INTS6: variants seen among roughly 807,000 people sequenced by gnomAD.
The protein encoded by INTS6 is integrator complex subunit 6.
Under a neutral mutation model 104.9 loss-of-function variants are expected in INTS6, and 16 were observed. The observed-to-expected ratio is 0.15, with a 90% CI of 0.10 to 0.23. The LOEUF (loss-of-function observed/expected upper bound fraction) is 0.23, where lower values mean the gene tolerates loss of function less well. Ranked by LOEUF, INTS6 falls within the 10% of genes least tolerant of loss-of-function variation. INTS6 has a pLI of 1.00. For missense variants in INTS6, 584 were observed against 1,062.8 expected (o/e 0.55, Z 6.26); for synonymous variants, 324 against 358.7 (o/e 0.90, Z 1.09).
intron 4 of INTS6, among the ~76,000 whole-genome samples, chr13:51,398,677 C>T (rs1956382907): frequency 6.6e-6 from 1 of 150,408 alleles, no homozygotes; most frequent in Non-Finnish European, 1.5e-5. Context: ...TACCCTAAAA[C>T]TCAACAATGC....
At position 51,429,785 on chromosome 13, in the gene INTS6, A is replaced by T. The variant is rs60912874; in HGVS notation, c.429+509T>A. Among the ~76,000 whole-genome samples the T allele has an allele frequency of 7.2e-3, 668 of 92,154 alleles. 4 individuals are homozygous for T. Among genetic ancestry groups the T allele is most frequent in the Non-Finnish European group, 0.011 (551 of 50,300 alleles). 60.5% of individuals were successfully genotyped at this position (92,154 alleles called of 152,430 possible). The stretch of plus-strand genomic sequence containing the variant: ...TCTCAAAAAAAAAAAAAAAAAAAAA[A>T]ATATATATATATATATATATATATG... On this transcript the variant is annotated intron_variant, in intron 4 of 17. Transcript: ENST00000311234.
At chr13:51,425,749 A>G (rs1233979451) in intron 4 of INTS6, among the ~76,000 whole-genome samples, 1 of 151,774 alleles carries the variant, frequency 6.6e-6, no homozygotes, top group Admixed American at 6.6e-5. Context: ...ATCCTTTTCA[A>G]TAACTCTAAT....
At chr13:51,425,837 G>C (rs1014183423) in intron 4 of INTS6, among the ~76,000 whole-genome samples, 1 of 152,040 alleles carries the variant, frequency 6.6e-6, no homozygotes, top group Non-Finnish European at 1.5e-5. Context: ...ACACAGGTAT[G>C]TTTATCAACA....
intron 4 of INTS6, among the ~76,000 whole-genome samples, chr13:51,424,916 A>G (rs76669534): frequency 0.011 from 1,728 of 152,206 alleles, 25 homozygotes; most frequent in East Asian, 0.071. Flanking sequence ...TAAGTGTCTT[A>G]GGAAAAGCAA....
At chr13:51,439,266 T>C (rs1400201192) in intron 3 of INTS6, 1 of 152,148 alleles carries the variant, frequency 6.6e-6, no homozygotes, top group Non-Finnish European at 1.5e-5. Context: ...CAAAAACTAA[T>C]AGAAGGAAGA....
downstream of INTS6, among the ~76,000 whole-genome samples, chr13:51,359,132 C>T (rs888721475): frequency 2.0e-5 from 3 of 151,950 alleles, no homozygotes; most frequent in African/African-American, 7.3e-5. Flanking sequence ...GAAAATAGGG[C>T]GTATGTCCCT....
chr13:51,416,204 G>T (rs9591406), intron 4 of INTS6, among the ~76,000 whole-genome samples: 4,411 of 152,256 alleles, frequency 0.029, 226 homozygotes, highest in African/African-American at 0.1. Context: ...AAAGGAAATA[G>T]AGAAGATAGG....
At chr13:51,404,293 T>TAAAA (rs55785764) in intron 4 of INTS6, among the ~76,000 whole-genome samples, 1 of 106,592 alleles carries the variant, frequency 9.4e-6, no homozygotes, top group Non-Finnish European at 2.1e-5. Context: ...AAGCAAAAAC[T>TAAAA]AAAAAAAAAA....
At position 51,452,752 on chromosome 13, in the gene INTS6, TCCTG is replaced by T. The variant is rs1216326661; in HGVS notation, c.-231_-228del. On this transcript the variant is annotated 5_prime_UTR_variant, in exon 1 of 18. Coordinates refer to ENST00000311234, the MANE Select transcript of INTS6 (RefSeq NM_012141.3). This position sits in a 1 kb window ranked among gnomAD's most constrained non-coding sequence, Gnocchi z 4.2. The stretch of plus-strand genomic sequence containing the variant: ...CCGTCGTACCCCCGCCTCCGCCTCC[TCCTG>T]CCTGCCTGCCCGCTGGGGCGGGCGC... The T allele has an allele frequency of 5.7e-6, 7 of 1,235,578 alleles. No homozygotes were observed. The highest frequency in any genetic ancestry group is 1.6e-5 in the African/African-American group (1 of 61,606). The allele number at this position is 1,235,578 out of a possible 1,614,324, so 76.5% of individuals were successfully genotyped here. A position where few individuals can be genotyped will look rare whatever the true frequency, so the allele number is the denominator to read the frequency against.
chr13:51,370,494 G>A (rs1230524038), intron 15 of INTS6, among the ~76,000 whole-genome samples: 1 of 152,110 alleles, frequency 6.6e-6, no homozygotes, highest in Non-Finnish European at 1.5e-5. Flanking sequence ...CAACTCCAGT[G>A]GGGATGGCAC....
At chr13:51,374,496 A>T in intron 14 of INTS6, 57 bp from the exon 15 acceptor site, 1 of 1,550,320 alleles carries the variant, frequency 6.5e-7, no homozygotes, top group Non-Finnish European at 8.9e-7. Flanking sequence ...TAAATGGCAC[A>T]ACCAGTGTCA....
chr13:51,416,750 T>C (rs901067159), intron 4 of INTS6, among the ~76,000 whole-genome samples: 2 of 152,218 alleles, frequency 1.3e-5, no homozygotes, highest in African/African-American at 2.4e-5. Flanking sequence ...AATAGAATTA[T>C]TGGAGTTAGC....
chr13:51,346,787 A>G, the INTS6 span, among the ~76,000 whole-genome samples: 1 of 152,204 alleles, frequency 6.6e-6, no homozygotes, highest in Non-Finnish European at 1.5e-5. Flanking sequence ...ACAGTCCCCA[A>G]AAGTTGAGAG....
the INTS6 span, chr13:51,344,446 G>A: frequency 3.3e-5 from 53 of 1,603,642 alleles, no homozygotes; most frequent in South Asian, 1.6e-4. Context: ...CAATAGCACC[G>A]CCATCCAGAC....
intron 7 of INTS6, among the ~76,000 whole-genome samples, chr13:51,385,950 T>G (rs558523662): frequency 6.6e-6 from 1 of 152,284 alleles, no homozygotes; most frequent in South Asian, 2.1e-4. Flanking sequence ...TAAAAACATC[T>G]TCGACTGCTC....
chr13:51,401,756 G>C (rs1252466125), intron 4 of INTS6, among the ~76,000 whole-genome samples: 1 of 152,114 alleles, frequency 6.6e-6, no homozygotes, highest in Non-Finnish European at 1.5e-5. Context: ...AAGGTACACA[G>C]TAAGTGGTGA....
chr13:51,377,281 A>G (rs1182754584), intron 12 of INTS6, among the ~76,000 whole-genome samples: 1 of 151,936 alleles, frequency 6.6e-6, no homozygotes, highest in Non-Finnish European at 1.5e-5. Context: ...CCTTTATTTG[A>G]TATGTGCTTT....
chr13:51,342,374 G>A, the INTS6 span, among the ~76,000 whole-genome samples: 731 of 152,122 alleles, frequency 4.8e-3, 9 homozygotes, highest in East Asian at 0.027. Flanking sequence ...GCCTCTGCTC[G>A]CTCATATATA....
intron 4 of INTS6, among the ~76,000 whole-genome samples, chr13:51,428,146 T>C (rs760313972): frequency 1.3e-5 from 2 of 152,004 alleles, no homozygotes; most frequent in Non-Finnish European, 2.9e-5. Context: ...TAAGAATACT[T>C]TACAACAGAA....
Sources: gnomAD v4.1 joint callset for allele counts (sites outside exome capture counted in the v4.1 genomes callset) on GRCh38, gnomAD v4.1.1 for gene constraint, Gnocchi (gnomAD v3.1) non-coding constraint, MANE v1.5 for transcripts, NCBI Gene and HGNC (gene_info 2026-07-23, HGNC 2026-07-21) for gene names.